APBB2: variants seen among roughly 807,000 people sequenced by gnomAD.
APBB2 encodes amyloid beta precursor protein binding family B member 2.
A neutral mutation model predicts 82.5 loss-of-function variants in APBB2; 38 were observed. The observed-to-expected ratio is 0.46, with a 90% CI of 0.36 to 0.60. The LOEUF is 0.60. APBB2 is among the 20% of genes least tolerant of loss of function. The pLI is 0.00. For synonymous variants in APBB2, 341 were observed against 368.2 expected (o/e 0.93, Z 0.85); for missense variants, 772 against 972.3 (o/e 0.79, Z 2.74).
chr4:40,875,932 T>C lies in APBB2; in HGVS notation c.1529+14432A>G, dbSNP rs547301496. Among the ~76,000 whole-genome samples the C allele has an allele frequency of 2.0e-5, 3 of 152,254 alleles. No homozygotes were observed. In the East Asian group the frequency reaches 5.8e-4, roughly 29 times the overall value. The stretch of plus-strand genomic sequence containing the variant: ...CTAGCTGCTGTTATGATCTGTGTTA[T>C]GCCTTTGGTTTCAACTGTTTTATTA... On this transcript the variant is annotated intron_variant, in intron 12 of 17. Coordinates refer to ENST00000508593, the MANE Select transcript of APBB2 (RefSeq NM_004307.2).
intron 1 of APBB2, among the ~76,000 whole-genome samples, chr4:41,161,494 T>C (rs1245311107): frequency 6.6e-6 from 1 of 152,190 alleles, no homozygotes; most frequent in Admixed American, 6.5e-5. Context: ...CAGTGCCAGC[T>C]ACTCAGGAGG....
intron 6 of APBB2, among the ~76,000 whole-genome samples, chr4:40,977,095 C>T (rs1578904213): frequency 6.6e-6 from 1 of 151,956 alleles, no homozygotes; most frequent in South Asian, 2.1e-4. Flanking sequence ...ATGGTTATTA[C>T]TGATACAAAG....
intron 6 of APBB2, among the ~76,000 whole-genome samples, chr4:40,997,123 C>G (rs1019151603): frequency 3.3e-5 from 5 of 152,110 alleles, no homozygotes; most frequent in African/African-American, 1.2e-4. Context: ...TTCCTTACAC[C>G]TCCCTAATTC....
At chr4:40,901,114 C>A (rs555102534) in intron 10 of APBB2, among the ~76,000 whole-genome samples, 1 of 152,138 alleles carries the variant, frequency 6.6e-6, no homozygotes, top group Non-Finnish European at 1.5e-5. Context: ...AATCTCAGGT[C>A]GGCCACTTAT....
intron 12 of APBB2, among the ~76,000 whole-genome samples, chr4:40,850,155 T>A (rs1269325980): frequency 6.6e-6 from 1 of 152,222 alleles, no homozygotes; most frequent in Non-Finnish European, 1.5e-5. Context: ...GCTTTGTTTT[T>A]GTTAAGACAC....
At chr4:40,938,888 A>G (rs1268391008) in intron 7 of APBB2, among the ~76,000 whole-genome samples, 2 of 152,256 alleles carry the variant, frequency 1.3e-5, no homozygotes, top group Admixed American at 6.5e-5. Flanking sequence ...ATGTTGCAGT[A>G]TTCAGAGGTG....
chr4:41,030,340 C>G (rs1716255147), intron 5 of APBB2, among the ~76,000 whole-genome samples: 5 of 152,152 alleles, frequency 3.3e-5, no homozygotes, highest in Admixed American at 3.3e-4. Flanking sequence ...GAATTAAGAC[C>G]TTTGGAGTAG....
chr4:40,857,264 G>T (rs921141759), intron 12 of APBB2: 4 of 778,870 alleles, frequency 5.1e-6, no homozygotes, highest in African/African-American at 1.9e-5. Flanking sequence ...CCGCACTCCC[G>T]TGAAGTGCTC....
chr4:41,157,216 G>A (rs1763703130), intron 1 of APBB2, among the ~76,000 whole-genome samples: 1 of 152,126 alleles, frequency 6.6e-6, no homozygotes, highest in Non-Finnish European at 1.5e-5. Context: ...ATTTCCCCGA[G>A]GGCTCCAGAA....
At chr4:40,881,045 G>C (rs1768331805) in intron 12 of APBB2, 1 of 985,276 alleles carries the variant, frequency 1.0e-6, no homozygotes, top group African/African-American at 1.7e-5. Context: ...ATTCTGTGCT[G>C]AAAGTATTGC....
intron 6 of APBB2, among the ~76,000 whole-genome samples, chr4:41,005,114 T>C (rs1440195175): frequency 6.6e-6 from 1 of 152,144 alleles, no homozygotes; most frequent in East Asian, 1.9e-4. Flanking sequence ...TGTTTTGACA[T>C]GGAGTCTCAC....
intron 3 of APBB2, among the ~76,000 whole-genome samples, chr4:41,088,166 A>G (rs1242545583): frequency 6.6e-6 from 1 of 152,236 alleles, no homozygotes; most frequent in Non-Finnish European, 1.5e-5. Context: ...TGATGTCTCC[A>G]AGGTCACATA....
intron 3 of APBB2, among the ~76,000 whole-genome samples, chr4:41,087,507 G>C (rs1740186285): frequency 6.6e-6 from 1 of 152,026 alleles, no homozygotes; most frequent in Admixed American, 6.6e-5. Context: ...TTAGCTCACT[G>C]CAACCTCCAC....
chr4:40,860,726 G>C (rs1034207430), intron 12 of APBB2, among the ~76,000 whole-genome samples: 3 of 152,102 alleles, frequency 2.0e-5, no homozygotes, highest in African/African-American at 7.2e-5. Flanking sequence ...CACATTTCCT[G>C]ACATACAGTA....
intron 4 of APBB2, among the ~76,000 whole-genome samples, chr4:41,033,639 GA>G (rs568827666): frequency 0.059 from 6,608 of 111,996 alleles, 318 homozygotes; most frequent in African/African-American, 0.15. Context: ...CACCACTACA[GA>G]AAAAAAAAAA....
chr4:41,181,059 T>TA (rs1771201752), intron 1 of APBB2, among the ~76,000 whole-genome samples: 1 of 152,220 alleles, frequency 6.6e-6, no homozygotes, highest in African/African-American at 2.4e-5. Flanking sequence ...CAATTACATT[T>TA]AAAAAATCTT....
intron 2 of APBB2, among the ~76,000 whole-genome samples, chr4:41,104,833 G>C (rs1004334747): frequency 2.0e-5 from 3 of 152,184 alleles, no homozygotes; most frequent in African/African-American, 7.2e-5. Context: ...ACGTGATTTA[G>C]TTCTTTTTTA....
intron 3 of APBB2, among the ~76,000 whole-genome samples, chr4:41,093,214 T>A (rs541748448): frequency 6.6e-6 from 1 of 152,332 alleles, no homozygotes; most frequent in Non-Finnish European, 1.5e-5. Context: ...ATTTCCTATT[T>A]TACTCAGGCA....
rs76999036 is a variant in APBB2, at chr4:40,884,486, A to G, written c.1529+5878T>C. Among the ~76,000 whole-genome samples, 430 of 152,294 alleles carry G rather than the reference A, an allele frequency of 2.8e-3. 5 individuals are homozygous for G. Among genetic ancestry groups the G allele is most frequent in the African/African-American group, 9.8e-3 (408 of 41,564 alleles). On this transcript the variant is annotated intron_variant, in intron 12 of 17. Transcript: ENST00000508593. ...GTACATGTGACAAAGGCCTTTTTTA[A>G]AACATCCTAACCAGGCACAGGGGCT...
Sources: gnomAD v4.1 joint callset for allele counts (sites outside exome capture counted in the v4.1 genomes callset) on GRCh38, gnomAD v4.1.1 for gene constraint, MANE v1.5 for transcripts, NCBI Gene and HGNC (gene_info 2026-07-23, HGNC 2026-07-21) for gene names.